COL12A1: variants seen among roughly 807,000 people sequenced by gnomAD.
COL12A1 encodes the protein collagen alpha-1(XII) chain.
COL12A1 carries 114 observed loss-of-function variants against 349.7 expected under a neutral mutation model. The observed-to-expected ratio is 0.33, with a 90% confidence interval of 0.28 to 0.38. The LOEUF (loss-of-function observed/expected upper bound fraction) is 0.38. Among genes scored for constraint, COL12A1 ranks in the 10% least tolerant of loss-of-function variants. COL12A1 has a pLI of 1.00. For missense variants in COL12A1, 3,284 were observed against 3,756.9 expected (o/e 0.87, Z 3.29); for synonymous variants, 1,369 against 1,329.0 (o/e 1.03, Z -0.66).
chr6:75,107,937 T>G (rs1318981042), intron 52 of COL12A1, among the ~76,000 whole-genome samples: 6 of 152,248 alleles, frequency 3.9e-5, no homozygotes, highest in Non-Finnish European at 5.9e-5. Context: ...ATAAAAATTT[T>G]CCTTTTGAAT....
At chr6:75,192,555 TTTTA>T (rs1417258941) in intron 3 of COL12A1, among the ~76,000 whole-genome samples, 200 bp from the exon 4 acceptor site, 6 of 152,250 alleles carry the variant, frequency 3.9e-5, no homozygotes, top group African/African-American at 7.2e-5. Flanking sequence ...CTGGTATTGC[TTTTA>T]TTTGTTACAA....
Position 75,183,963 on chromosome 6 carries a change from G to A in COL12A1, c.1179C>T (p.Asp393=), listed in dbSNP as rs1769471734. ...TCTGGTATTCTGTGTCTGCTGAGAG[G>A]TCGCGAACACTGAGCGTGGTTGTCT... The part of the protein sequence containing the change: ...GPQTTTLSVR[D]LSADTEYQIS... The change falls in exon 9 of 66, where the codon GAC becomes GAT. Residue 393 remains aspartate (D), a synonymous_variant. Coordinates refer to ENST00000322507, the MANE Select transcript of COL12A1 (RefSeq NM_004370.6). 3 of 1,614,172 alleles carry A rather than the reference G, an allele frequency of 1.9e-6. No individual in the cohort carries two copies. The highest frequency in any genetic ancestry group is 2.5e-6 in the Non-Finnish European group (3 of 1,180,034).
At position 75,183,956 on chromosome 6, in the gene COL12A1, C is replaced by T. The variant is rs202175607; in HGVS notation, c.1186G>A (p.Ala396Thr). 65 of 1,614,054 alleles carry T rather than the reference C, an allele frequency of 4.0e-5. No individual in the cohort carries two copies. In the Middle Eastern group the frequency reaches 4.9e-4, roughly 12 times the overall value. ...ACACTGATCTGGTATTCTGTGTCTG[C>T]TGAGAGGTCGCGAACACTGAGCGTG... ...TTTLSVRDLS[A>T]DTEYQISVSA... The change falls in exon 9 of 66, where the codon GCA becomes ACA. Residue 396 changes from alanine to threonine, a missense_variant. By Grantham distance (58) the Ala-to-Thr change is moderately conservative. Transcript: ENST00000322507.
At position 75,133,312 on chromosome 6, in the gene COL12A1, T is replaced by C. The variant is rs1562186921; in HGVS notation, c.5775A>G (p.Thr1925=). ...PVYTEGDGGR[T]SDTGRTLMRG... is the part of the protein sequence containing the mutation. ...ACTTACATGTCCTTCCAGTATCTGA[T>C]GTGCGTCCCCCATCACCTTCAGTAT... is the stretch of plus-strand genomic sequence containing the variant. Residue 1925 remains threonine (T), a synonymous_variant, in exon 34 of 66, where the codon ACA becomes ACG. Transcript: ENST00000322507. 6.3e-7 allele frequency: 1 copy of C among 1,599,016 alleles called. No individual in the cohort carries two copies. Among genetic ancestry groups the C allele is most frequent in the East Asian group, 2.2e-5 (1 of 44,568 alleles).
intron 42 of COL12A1, among the ~76,000 whole-genome samples, 173 bp downstream of exon 42, chr6:75,123,775 A>T (rs1582086772): frequency 6.6e-6 from 1 of 152,232 alleles, no homozygotes; most frequent in African/African-American, 2.4e-5. Context: ...AAATTGCTAC[A>T]GAAAAAGGTC....
rs1767390838 is a variant in COL12A1 at position 75,084,631 on chromosome 6, C to T, written c.*1916G>A. On this transcript the variant is annotated 3_prime_UTR_variant, in exon 66 of 66. Coordinates refer to ENST00000322507, the MANE Select transcript of COL12A1 (RefSeq NM_004370.6). ...TATGGAACTGTATCCCGTTGATGCACTAACTTCATCTACATGGCTTAAGGT... is the reference window on the plus strand; with the variant it reads ...TATGGAACTGTATCCCGTTGATGCATTAACTTCATCTACATGGCTTAAGGT... 1 of 153,128 alleles carries T rather than the reference C, an allele frequency of 6.5e-6. No homozygotes were observed. Among genetic ancestry groups the T allele is most frequent in the South Asian group, 2.1e-4 (1 of 4,856 alleles). 9.5% of individuals were successfully genotyped at this position (153,128 alleles called of 1,614,324 possible). A position where few individuals can be genotyped will look rare whatever the true frequency, so the allele number is the denominator to read the frequency against.
intron 14 of COL12A1, among the ~76,000 whole-genome samples, chr6:75,162,854 T>A (rs918275572): frequency 6.6e-6 from 1 of 152,122 alleles, no homozygotes; most frequent in Non-Finnish European, 1.5e-5. Context: ...TGGCAAAGGA[T>A]ATTAATGGAC....
At chr6:75,121,679 G>A (rs1226705001) in intron 43 of COL12A1, among the ~76,000 whole-genome samples, 10 of 152,096 alleles carry the variant, frequency 6.6e-5, no homozygotes, top group Admixed American at 6.6e-4. Flanking sequence ...AAGCATTGCG[G>A]GGACCCTCAA....
intron 58 of COL12A1, among the ~76,000 whole-genome samples, chr6:75,098,773 A>T (rs1315858757): frequency 1.3e-5 from 2 of 152,216 alleles, no homozygotes; most frequent in Non-Finnish European, 2.9e-5. Context: ...TTCAATACAC[A>T]CAAAGGCCAG....
intron 46 of COL12A1, 37 bp from the exon 47 acceptor site, chr6:75,117,583 C>T (rs1373308523): frequency 5.6e-6 from 9 of 1,594,764 alleles, no homozygotes; most frequent in Non-Finnish European, 7.7e-6. Context: ...TCACGTATCT[C>T]TTTTTCTGTC....
chr6:75,203,879 C>T (rs566017361), intron 1 of COL12A1, among the ~76,000 whole-genome samples: 2 of 152,252 alleles, frequency 1.3e-5, no homozygotes, highest in South Asian at 4.1e-4. Flanking sequence ...ACAGCCTAGG[C>T]CTCAGGAAAA....
intron 32 of COL12A1, 136 bp from the exon 33 acceptor site, chr6:75,134,133 C>A (rs936915555): frequency 3.4e-6 from 3 of 893,340 alleles, no homozygotes; most frequent in Non-Finnish European, 5.1e-6. Flanking sequence ...AGTGAATAAA[C>A]GACACACACT....
At chr6:75,113,398 G>C in intron 50 of COL12A1, 85 bp from the exon 51 acceptor site, 2 of 1,017,742 alleles carry the variant, frequency 2.0e-6, no homozygotes, top group Non-Finnish European at 2.7e-6. Flanking sequence ...TTGTTGGAGA[G>C]ATTTCTTTAA....
intron 55 of COL12A1, among the ~76,000 whole-genome samples, chr6:75,103,439 C>T (rs185152257): frequency 6.6e-6 from 1 of 152,306 alleles, no homozygotes; most frequent in Admixed American, 6.5e-5. Flanking sequence ...GGCTCCAGCT[C>T]TCTAGCGGGT....
intron 47 of COL12A1, 102 bp downstream of exon 47, chr6:75,117,280 A>G (rs932893642): frequency 2.5e-6 from 3 of 1,189,590 alleles, no homozygotes; most frequent in Admixed American, 2.0e-5. Flanking sequence ...CCCAGGATCT[A>G]TTTATGCACA....
intron 12 of COL12A1, among the ~76,000 whole-genome samples, chr6:75,176,918 T>C (rs1768987884): frequency 6.6e-6 from 1 of 152,154 alleles, no homozygotes; most frequent in Non-Finnish European, 1.5e-5. Flanking sequence ...GTATTAAACA[T>C]TAATAATTTC....
chr6:75,204,520 T>C (rs240365), intron 1 of COL12A1, among the ~76,000 whole-genome samples: 133,579 of 152,226 alleles, frequency 0.88, 59,026 homozygotes, highest in Non-Finnish European at 0.93. Context: ...AAAAAGAAAA[T>C]GCTTTCTCTC....
At chr6:75,121,580 T>A in intron 43 of COL12A1, 139 bp from the exon 44 acceptor site, 1 of 1,016,368 alleles carries the variant, frequency 9.8e-7, no homozygotes, top group Non-Finnish European at 1.3e-6. Flanking sequence ...TGGGAGCTTG[T>A]TAGAAATGCA....
At chr6:75,118,973 T>C in intron 46 of COL12A1, 70 bp downstream of exon 46, 1 of 1,597,460 alleles carries the variant, frequency 6.3e-7, no homozygotes, top group Non-Finnish European at 8.6e-7. Flanking sequence ...AATTTAGTCT[T>C]TTGCAATCAT....
Sources: gnomAD v4.1 joint callset for allele counts (sites outside exome capture counted in the v4.1 genomes callset) on GRCh38, gnomAD v4.1.1 for gene constraint, MANE v1.5 for transcripts, NCBI Gene and HGNC (gene_info 2026-07-23, HGNC 2026-07-21) for gene names.